The following C5orf46 variants were observed in gnomAD, a reference collection of about 807,000 sequenced individuals.
C5orf46 encodes the protein uncharacterized protein C5orf46.
C5orf46 carries 9 observed loss-of-function variants against 8.9 expected under a neutral mutation model. The observed-to-expected ratio is 1.01, with a 90% CI of 0.61 to 1.76. The LOEUF is 1.76. Ranked by LOEUF, C5orf46 falls within the 40% of genes most tolerant of loss-of-function variation. The probability of loss-of-function intolerance (pLI) is 0.00; values close to 1 mark genes in which losing one functional copy is unlikely to be tolerated. For missense variants in C5orf46, 98 were observed against 107.8 expected (o/e 0.91, Z 0.40); for synonymous variants, 47 against 41.4 (o/e 1.14, Z -0.52).
chr5:147,894,359 A>G (rs937064908), intron 3 of C5orf46, among the ~76,000 whole-genome samples: 1 of 152,170 alleles, frequency 6.6e-6, no homozygotes, highest in Admixed American at 6.5e-5. Context: ...TGAAAATATT[A>G]AAGCCAGTAA....
At chr5:147,902,904 T>A (rs1190504698) in intron 1 of C5orf46, among the ~76,000 whole-genome samples, 2 of 152,180 alleles carry the variant, frequency 1.3e-5, no homozygotes, top group Admixed American at 1.3e-4. Context: ...AGAGTATGCA[T>A]TTTTTAGCTC....
At chr5:147,903,587 G>T (rs1298726661) in intron 1 of C5orf46, among the ~76,000 whole-genome samples, 1 of 152,096 alleles carries the variant, frequency 6.6e-6, no homozygotes, top group African/African-American at 2.4e-5. Context: ...AAAAAGATTG[G>T]CAGGCAATTC....
chr5:147,894,765 A>T (rs908943075), intron 3 of C5orf46, among the ~76,000 whole-genome samples: 13 of 151,850 alleles, frequency 8.6e-5, no homozygotes, highest in Non-Finnish European at 1.6e-4. Flanking sequence ...TAAAAAAAAA[A>T]AAAAGGGAGG....
intron 3 of C5orf46, among the ~76,000 whole-genome samples, chr5:147,893,860 A>G (rs949575379): frequency 6.6e-6 from 1 of 152,046 alleles, no homozygotes; most frequent in African/African-American, 2.4e-5. Flanking sequence ...CAGCCATCAC[A>G]TAAATCTTAT....
chr5:147,903,385 C>G (rs1280144627), intron 1 of C5orf46, among the ~76,000 whole-genome samples: 3 of 152,184 alleles, frequency 2.0e-5, no homozygotes, highest in Admixed American at 6.5e-5. Context: ...TATCAGAAAT[C>G]CAAATCTAAC....
chr5:147,905,449 G>C (rs186775639), intron 1 of C5orf46, among the ~76,000 whole-genome samples: 5 of 152,304 alleles, frequency 3.3e-5, no homozygotes, highest in Admixed American at 3.3e-4. Flanking sequence ...GATTTCTTTA[G>C]GAGTAGAATG....
At chr5:147,895,255 A>G (rs1340635831) in intron 3 of C5orf46, among the ~76,000 whole-genome samples, 1 of 152,112 alleles carries the variant, frequency 6.6e-6, no homozygotes, top group African/African-American at 2.4e-5. Flanking sequence ...CCTGGGCAGC[A>G]TGGTGAAACC....
chr5:147,889,706 A>C (rs768809090), downstream of C5orf46, among the ~76,000 whole-genome samples: 23 of 152,192 alleles, frequency 1.5e-4, no homozygotes, highest in Non-Finnish European at 2.9e-4. Context: ...TAAATACAAA[A>C]GGAAATCAGT....
At chr5:147,901,412 G>T in intron 2 of C5orf46, 1 of 405,052 alleles carries the variant, frequency 2.5e-6, no homozygotes, top group Non-Finnish European at 4.3e-6. Context: ...ATCCTGTATG[G>T]AACCACTTGA....
At chr5:147,895,053 A>G (rs2127126241) in intron 3 of C5orf46, among the ~76,000 whole-genome samples, 1 of 142,128 alleles carries the variant, frequency 7.0e-6, no homozygotes, top group African/African-American at 3.0e-5. Context: ...ACAGAGTGAG[A>G]CTCTGTCTCA....
chr5:147,897,139 C>G, intron 2 of C5orf46, 98 bp from the exon 3 acceptor site: 1 of 500,714 alleles, frequency 2.0e-6, no homozygotes, highest in Non-Finnish European at 3.5e-6. Context: ...CCACACTGTT[C>G]TTCTCTAGAT....
At chr5:147,886,304 T>C (rs1757415681) in intron 2 of C5orf46, 1 of 152,088 alleles carries the variant, frequency 6.6e-6, no homozygotes, top group South Asian at 2.1e-4. Context: ...AGCAGCATAG[T>C]TTTGCAAGAT....
chr5:147,901,664 T>A lies in C5orf46; in HGVS notation c.180A>T (p.Ala60=), dbSNP rs776828024. 2 of 1,614,070 alleles carry A rather than the reference T, an allele frequency of 1.2e-6. No individual in the cohort carries two copies. The highest frequency in any genetic ancestry group is 1.7e-6 in the Non-Finnish European group (2 of 1,179,968). ...SLLGTEIIEN[A]VEFILRSMSR... The stretch of plus-strand genomic sequence containing the variant: ...ACATGGAGCGGAGGATGAACTCGAC[T>A]GCATTCTCAATGATCTCTGTGCCCA... The change falls in exon 2 of 4, where the codon GCA becomes GCT. Residue 60 remains alanine (A), a synonymous_variant. Transcript: ENST00000318315.
At position 147,901,751 on chromosome 5, in the gene C5orf46, G is replaced by T. The variant is rs371039691; in HGVS notation, c.93C>A (p.Asp31Glu). 3.1e-6 allele frequency: 5 copies of T among 1,613,650 alleles called. No homozygotes were observed. The highest frequency in any genetic ancestry group is 1.1e-5 in the South Asian group (1 of 91,036). Residue 31 changes from aspartate (D) to glutamate (E), a missense_variant, in exon 2 of 4, where the codon GAC becomes GAA. Transcript: ENST00000318315. ...CTTTGCCCGAGTCGTCTGGCTTGTC[G>T]TCTGGCTTGTCTGGTTTGTCGTCTG... is the stretch of plus-strand genomic sequence containing the variant. ...CYADDKPDKP[D>E]DKPDDSGKDP...
At chr5:147,887,995 G>C (rs1162326498), downstream of C5orf46, among the ~76,000 whole-genome samples, 2 of 152,092 alleles carry the variant, frequency 1.3e-5, no homozygotes, top group Non-Finnish European at 2.9e-5. Context: ...CATGGTCATG[G>C]CCCTGTATTT....
intron 2 of C5orf46, among the ~76,000 whole-genome samples, chr5:147,898,781 A>T (rs1190163492): frequency 6.6e-6 from 1 of 152,178 alleles, no homozygotes; most frequent in Non-Finnish European, 1.5e-5. Flanking sequence ...CCTAGAATTA[A>T]GGGCTCTCAA....
At chr5:147,892,036 G>A (rs1757509901), downstream of C5orf46, among the ~76,000 whole-genome samples, 1 of 152,210 alleles carries the variant, frequency 6.6e-6, no homozygotes, top group South Asian at 2.1e-4. Context: ...GATAGCTTTT[G>A]AGAACTCAGT....
chr5:147,900,465 C>T (rs1342511227), intron 2 of C5orf46, among the ~76,000 whole-genome samples: 3 of 151,854 alleles, frequency 2.0e-5, no homozygotes, highest in Non-Finnish European at 4.4e-5. Flanking sequence ...CGGGAAAATG[C>T]AAAAATAAAT....
At chr5:147,904,117 T>A (rs78310241) in intron 1 of C5orf46, among the ~76,000 whole-genome samples, 2,995 of 151,886 alleles carry the variant, frequency 0.02, 78 homozygotes, top group East Asian at 0.11. Flanking sequence ...ACTGTAGATA[T>A]GACCTTCACA....
Sources: gnomAD v4.1 joint callset for allele counts (sites outside exome capture counted in the v4.1 genomes callset) on GRCh38, gnomAD v4.1.1 for gene constraint, MANE v1.5 for transcripts, NCBI Gene and HGNC (gene_info 2026-07-23, HGNC 2026-07-21) for gene names.